The following LRP1B variants were observed in gnomAD, a reference collection of about 807,000 sequenced individuals.
The protein encoded by LRP1B is low-density lipoprotein receptor-related protein 1B.
Under a neutral mutation model 556.6 loss-of-function variants are expected in LRP1B, and 217 were observed. The observed-to-expected ratio is 0.39, with a 90% CI of 0.35 to 0.44. LRP1B has a LOEUF of 0.44. LRP1B is among the 20% of genes least tolerant of loss of function. LRP1B has a pLI of 1.00. For synonymous variants in LRP1B, 2,047 were observed against 1,865.8 expected (o/e 1.10, Z -2.50); for missense variants, 5,053 against 5,620.8 (o/e 0.90, Z 3.23).
chr2:141,002,130 G>A (rs990413845), intron 15 of LRP1B, among the ~76,000 whole-genome samples: 2 of 151,790 alleles, frequency 1.3e-5, no homozygotes, highest in Admixed American at 6.6e-5. Context: ...ATAAAGAAAC[G>A]GAAACAATCA....
At chr2:140,604,574 A>G (rs1362903439) in intron 41 of LRP1B, among the ~76,000 whole-genome samples, 1 of 152,150 alleles carries the variant, frequency 6.6e-6, no homozygotes, top group African/African-American at 2.4e-5. Flanking sequence ...ACATTGTCTT[A>G]AAGACAGGAT....
chr2:140,711,596 A>G (rs201189356), intron 37 of LRP1B, among the ~76,000 whole-genome samples: 1 of 33,524 alleles, frequency 3.0e-5, no homozygotes, highest in East Asian at 1.3e-3. Flanking sequence ...ATCAAGTGTT[A>G]TTATTCAATG....
chr2:141,684,212 G>A (rs1336037962), intron 2 of LRP1B, among the ~76,000 whole-genome samples: 5 of 152,036 alleles, frequency 3.3e-5, no homozygotes, highest in African/African-American at 1.2e-4. Flanking sequence ...CCAAATGCCT[G>A]TCAATTATAG....
intron 66 of LRP1B, among the ~76,000 whole-genome samples, chr2:140,413,731 C>T (rs1274007845): frequency 6.6e-6 from 1 of 152,138 alleles, no homozygotes; most frequent in African/African-American, 2.4e-5. Flanking sequence ...AGCAAAATAT[C>T]ATCTCCACTT....
intron 83 of LRP1B, among the ~76,000 whole-genome samples, chr2:140,310,326 A>G (rs72892299): frequency 0.036 from 5,435 of 151,550 alleles, 103 homozygotes; most frequent in South Asian, 0.069. Context: ...TGTCTAACAC[A>G]ATCTACAGAT....
intron 2 of LRP1B, among the ~76,000 whole-genome samples, chr2:141,532,115 A>G (rs190197629): frequency 2.6e-5 from 4 of 152,340 alleles, no homozygotes; most frequent in African/African-American, 9.6e-5. Context: ...AAGTATCTGT[A>G]GAGAGCTCAA....
At chr2:140,663,068 A>ACAG (rs1332847047) in intron 41 of LRP1B, among the ~76,000 whole-genome samples, 1 of 152,146 alleles carries the variant, frequency 6.6e-6, no homozygotes, top group Non-Finnish European at 1.5e-5. Flanking sequence ...ACATGATTGA[A>ACAG]CAGCACACAA....
intron 7 of LRP1B, among the ~76,000 whole-genome samples, chr2:141,069,571 C>T (rs369708106): frequency 1.3e-5 from 2 of 151,922 alleles, no homozygotes; most frequent in Non-Finnish European, 2.9e-5. Context: ...CCTTACTCCA[C>T]GTCCCTATTC....
At chr2:140,726,218 A>G (rs1465784378) in intron 35 of LRP1B, among the ~76,000 whole-genome samples, 3 of 152,184 alleles carry the variant, frequency 2.0e-5, no homozygotes, top group East Asian at 3.8e-4. Context: ...TTCAGTACTA[A>G]AGAGATTTTC....
chr2:141,337,697 T>C (rs146241415), intron 3 of LRP1B, among the ~76,000 whole-genome samples: 1,783 of 152,348 alleles, frequency 0.012, 23 homozygotes, highest in Middle Eastern at 0.02. Context: ...ACCAGTAAGT[T>C]GTTAATATGG....
At chr2:141,856,259 TTGC>T (rs1415900376) in intron 1 of LRP1B, among the ~76,000 whole-genome samples, 1 of 152,144 alleles carries the variant, frequency 6.6e-6, no homozygotes, top group African/African-American at 2.4e-5. Context: ...AATATACAAA[TTGC>T]TGCTAAGAAA....
intron 2 of LRP1B, among the ~76,000 whole-genome samples, chr2:141,623,327 T>C (rs1688572613): frequency 6.6e-6 from 1 of 152,332 alleles, no homozygotes; most frequent in Non-Finnish European, 1.5e-5. Context: ...GTTGTAAAGA[T>C]GGTAAAAATA....
At chr2:141,048,467 G>A (rs542578914) in intron 11 of LRP1B, among the ~76,000 whole-genome samples, 1 of 152,108 alleles carries the variant, frequency 6.6e-6, no homozygotes, top group East Asian at 1.9e-4. Context: ...AGATATAAAT[G>A]TTTTAAGTTT....
At chr2:141,448,182 A>G (rs1422488423) in intron 3 of LRP1B, among the ~76,000 whole-genome samples, 1 of 152,176 alleles carries the variant, frequency 6.6e-6, no homozygotes, top group Non-Finnish European at 1.5e-5. Flanking sequence ...GGCTCCACCC[A>G]GTCTGCACTT....
intron 18 of LRP1B, among the ~76,000 whole-genome samples, chr2:140,978,375 A>G (rs909903332): frequency 6.6e-5 from 10 of 152,188 alleles, no homozygotes; most frequent in African/African-American, 2.4e-4. Context: ...AATGTGTAAC[A>G]GTAGCCATAA....
chr2:141,370,560 A>G (rs1689194281), intron 3 of LRP1B, among the ~76,000 whole-genome samples: 1 of 152,038 alleles, frequency 6.6e-6, no homozygotes, highest in South Asian at 2.1e-4. Context: ...TCCCCTGTTG[A>G]ATGTATACTT....
At chr2:141,345,622 T>C (rs1023536724) in intron 3 of LRP1B, among the ~76,000 whole-genome samples, 1 of 151,574 alleles carries the variant, frequency 6.6e-6, no homozygotes. Context: ...CCCAGGTAGC[T>C]AGGACTACGA....
intron 3 of LRP1B, among the ~76,000 whole-genome samples, chr2:141,336,795 G>T (rs1370969347): frequency 6.6e-6 from 1 of 152,126 alleles, no homozygotes; most frequent in African/African-American, 2.4e-5. Context: ...CATATAAACA[G>T]AAAGTATGCA....
intron 2 of LRP1B, among the ~76,000 whole-genome samples, chr2:141,613,189 CT>C (rs1479295265): frequency 3.9e-5 from 6 of 151,996 alleles, no homozygotes; most frequent in African/African-American, 1.4e-4. Context: ...AATTTCTTGG[CT>C]TTTTTGTTTC....
Sources: allele counts gnomAD v4.1 joint callset (sites outside exome capture counted in the v4.1 genomes callset), GRCh38; gene constraint gnomAD v4.1.1; transcripts MANE v1.5; gene names NCBI Gene and HGNC (gene_info 2026-07-23, HGNC 2026-07-21).